The following PSMA1 variants were observed in gnomAD, a reference collection of about 807,000 sequenced individuals.
PSMA1 encodes the protein proteasome subunit alpha type-1.
PSMA1 carries 3 observed loss-of-function variants against 38.4 expected under a neutral mutation model. That is an observed-to-expected ratio of 0.08 (90% CI 0.04 to 0.20). The LOEUF (loss-of-function observed/expected upper bound fraction) is 0.20. Ranked by LOEUF, PSMA1 falls within the 10% of genes least tolerant of loss-of-function variation. The pLI, the probability that PSMA1 is intolerant of heterozygous loss-of-function variation, is 1.00. For synonymous variants in PSMA1, 101 were observed against 107.1 expected (o/e 0.94, Z 0.35); for missense variants, 227 against 325.3 (o/e 0.70, Z 2.32).
At chr11:14,540,301 C>G (rs1247685897) in intron 2 of PSMA1, among the ~76,000 whole-genome samples, 1 of 152,182 alleles carries the variant, frequency 6.6e-6, no homozygotes, top group Non-Finnish European at 1.5e-5. Context: ...TCAGGCCACC[C>G]TGGGTGACAC....
intron 1 of PSMA1, among the ~76,000 whole-genome samples, chr11:14,614,204 T>G (rs1201447570): frequency 2.6e-5 from 4 of 152,144 alleles, no homozygotes; most frequent in African/African-American, 9.7e-5. Flanking sequence ...TAAAAAATAC[T>G]CCTAAACTAC....
intron 2 of PSMA1, among the ~76,000 whole-genome samples, chr11:14,587,611 T>G (rs1852363666): frequency 1.3e-5 from 2 of 151,812 alleles, no homozygotes; most frequent in African/African-American, 2.4e-5. Context: ...TTTTTTTTCC[T>G]GGCTAGATCC....
intron 2 of PSMA1, among the ~76,000 whole-genome samples, chr11:14,608,196 TA>T: frequency 6.6e-6 from 1 of 151,952 alleles, no homozygotes; most frequent in South Asian, 2.1e-4. Context: ...ACAAAAAATT[TA>T]AAAATTGGCC....
chr11:14,636,849 A>T (rs1853118324), intron 1 of PSMA1, among the ~76,000 whole-genome samples: 1 of 152,190 alleles, frequency 6.6e-6, no homozygotes, highest in African/African-American at 2.4e-5. Flanking sequence ...TTATTAATTC[A>T]ATTAATTCTT....
At chr11:14,513,343 A>G (rs552544279) in intron 7 of PSMA1, 1 of 407,004 alleles carries the variant, frequency 2.5e-6, no homozygotes, top group South Asian at 9.6e-5. Context: ...TTGGGAACAC[A>G]TTTATATTTT....
In PSMA1 at chr11:14,618,662, T is replaced by C. The variant is rs181039563; in HGVS notation, c.-165-7511A>G. ...ACTGAACTCCTACTGCATTACATTATAGACAAATGACAACTTGTTGTTAAC... is the reference window on the plus strand; with the variant it reads ...ACTGAACTCCTACTGCATTACATTACAGACAAATGACAACTTGTTGTTAAC... On this transcript the variant is annotated intron_variant, in intron 1 of 10. Coordinates refer to the PSMA1 transcript ENST00000418988. Among the ~76,000 whole-genome samples, 284 of 152,352 alleles carry C rather than the reference T, an allele frequency of 1.9e-3. 1 individual carries two copies. The highest frequency in any genetic ancestry group is 3.4e-3 in the Non-Finnish European group (228 of 68,032).
At chr11:14,641,918 T>C (rs999280294) in intron 1 of PSMA1, among the ~76,000 whole-genome samples, 1 of 152,244 alleles carries the variant, frequency 6.6e-6, no homozygotes, top group Non-Finnish European at 1.5e-5. Flanking sequence ...CTAAATTAAT[T>C]GCTTCATTTC....
intron 2 of PSMA1, among the ~76,000 whole-genome samples, chr11:14,602,599 T>C (rs1248606959): frequency 6.6e-6 from 1 of 152,192 alleles, no homozygotes; most frequent in Non-Finnish European, 1.5e-5. Context: ...TAGAAAGTCA[T>C]GCTCATAATC....
chr11:14,526,593 C>T (rs1022060964), intron 2 of PSMA1, among the ~76,000 whole-genome samples: 4 of 152,154 alleles, frequency 2.6e-5, no homozygotes, highest in African/African-American at 7.2e-5. Context: ...TCACACCTGA[C>T]GCATATACTT....
Position 14,510,941 on chromosome 11 carries a change from A to C in PSMA1, c.555T>G (p.Asn185Lys). Residue 185 changes from asparagine (N) to lysine (K), a missense_variant, in exon 8 of 10, where the codon AAT becomes AAG. By Grantham distance (94) the Asn-to-Lys change is moderately conservative (BLOSUM62 0). Coordinates refer to ENST00000396394, the MANE Select transcript of PSMA1 (RefSeq NM_002786.4). ...HMSEFMECNLNELVKHGLRAL... is the reference protein window; with the variant it reads ...HMSEFMECNLKELVKHGLRAL... Reference sequence around the variant, plus strand: ...CACGCAGACCATGTTTAACTAGTTCATTTAAATTACCTATATGTAATAAAT... The same window carrying C: ...CACGCAGACCATGTTTAACTAGTTCCTTTAAATTACCTATATGTAATAAAT... 6.3e-7 allele frequency: 1 copy of C among 1,592,536 alleles called. No homozygotes were observed. The highest frequency in any genetic ancestry group is 8.6e-7 in the Non-Finnish European group (1 of 1,166,014).
chr11:14,632,874 C>T (rs1176741066), intron 1 of PSMA1, among the ~76,000 whole-genome samples: 6 of 152,034 alleles, frequency 3.9e-5, no homozygotes, highest in Admixed American at 1.3e-4. Context: ...CTTCTCACTT[C>T]ATTTCATTCA....
chr11:14,595,411 T>C (rs963578224), intron 2 of PSMA1, among the ~76,000 whole-genome samples: 1 of 152,180 alleles, frequency 6.6e-6, no homozygotes, highest in Admixed American at 6.5e-5. Flanking sequence ...CTCTCCAGCA[T>C]CTGCTGTTTC....
At chr11:14,512,650 A>G (rs1415271495) in intron 7 of PSMA1, among the ~76,000 whole-genome samples, 2 of 152,182 alleles carry the variant, frequency 1.3e-5, no homozygotes, top group South Asian at 2.1e-4. Flanking sequence ...GTGACTCCTT[A>G]TGGGAAGGAA....
chr11:14,507,543 G>T, intron 9 of PSMA1, 113 bp downstream of exon 9: 1 of 737,074 alleles, frequency 1.4e-6, no homozygotes, highest in Non-Finnish European at 2.3e-6. Flanking sequence ...GTTGCCATTT[G>T]AATTATGGGC....
intron 2 of PSMA1, among the ~76,000 whole-genome samples, chr11:14,591,259 C>G (rs563621784): frequency 1.3e-5 from 2 of 152,332 alleles, no homozygotes; most frequent in East Asian, 3.9e-4. Flanking sequence ...AGCCCACCGG[C>G]GCTACGCTCA....
rs535330210 is a variant in PSMA1, at chr11:14,591,631, G to A, written c.21+19335C>T. The stretch of plus-strand genomic sequence containing the variant: ...CTCAGGGTTTGTGAGTGCACCAATC[G>A]ACACTCTGTATCTAGCTGCTCTGGG... On this transcript the variant is annotated intron_variant, in intron 2 of 10. Coordinates refer to the PSMA1 transcript ENST00000418988. Among the ~76,000 whole-genome samples the A allele has an allele frequency of 2.0e-3, 311 of 152,246 alleles. 2 individuals carry two copies. Among genetic ancestry groups the A allele is most frequent in the Admixed American group, 3.2e-3 (49 of 15,298 alleles).
At chr11:14,572,941 T>C (rs1284407027) in intron 2 of PSMA1, among the ~76,000 whole-genome samples, 2 of 152,104 alleles carry the variant, frequency 1.3e-5, no homozygotes, top group African/African-American at 2.4e-5. Context: ...CCTGGACACA[T>C]ACACCCTCTG....
chr11:14,515,056 G>C (rs1366203302), intron 4 of PSMA1, among the ~76,000 whole-genome samples: 1 of 152,184 alleles, frequency 6.6e-6, no homozygotes, highest in African/African-American at 2.4e-5. Flanking sequence ...GGTTAACATT[G>C]GGGAGAAGAG....
chr11:14,600,911 T>C (rs996826856), intron 2 of PSMA1, among the ~76,000 whole-genome samples: 2 of 152,214 alleles, frequency 1.3e-5, no homozygotes, highest in African/African-American at 4.8e-5. Flanking sequence ...GCTTTCACAT[T>C]GGCATTCTTT....
Sources: gnomAD v4.1 joint callset for allele counts (sites outside exome capture counted in the v4.1 genomes callset) on GRCh38, gnomAD v4.1.1 for gene constraint, MANE v1.5 for transcripts, NCBI Gene and HGNC (gene_info 2026-07-23, HGNC 2026-07-21) for gene names.